Variants in UQCC1 observed in about 807,000 individuals in gnomAD.
The protein encoded by UQCC1 is bFGF-repressed Zic-binding protein.
A neutral mutation model predicts 48.0 loss-of-function variants in UQCC1; 38 were observed. The ratio of observed to expected loss-of-function variants is 0.79; its 90% CI spans 0.61 to 1.04. UQCC1 has a LOEUF of 1.04. Ranked by LOEUF, UQCC1 falls within the 50% of genes least tolerant of loss-of-function variation. The pLI, the probability that UQCC1 is intolerant of heterozygous loss-of-function variation, is 0.00. For synonymous variants in UQCC1, 111 were observed against 129.2 expected (o/e 0.86, Z 0.95); for missense variants, 368 against 381.8 (o/e 0.96, Z 0.30).
intron 6 of UQCC1, among the ~76,000 whole-genome samples, chr20:35,354,460 A>G (rs6088802): frequency 0.54 from 81,755 of 150,640 alleles, 23,142 homozygotes; most frequent in East Asian, 0.71. Flanking sequence ...GCACTGACGC[A>G]ATCTTGGCTC....
chr20:35,342,368 C>T (rs2061390624), intron 7 of UQCC1, among the ~76,000 whole-genome samples: 1 of 152,180 alleles, frequency 6.6e-6, no homozygotes, highest in South Asian at 2.1e-4. Flanking sequence ...TGAGCCACTG[C>T]CGTGAGCTAA....
At chr20:35,321,255 T>TGA (rs2061122260) in intron 7 of UQCC1, among the ~76,000 whole-genome samples, 1 of 55,564 alleles carries the variant, frequency 1.8e-5, no homozygotes, top group Admixed American at 1.4e-4. Context: ...AACAAAACTG[T>TGA]GTGTGTGTGT....
At chr20:35,399,890 A>C (rs2062136386) in intron 1 of UQCC1, among the ~76,000 whole-genome samples, 1 of 143,706 alleles carries the variant, frequency 7.0e-6, no homozygotes, top group Admixed American at 6.9e-5. Flanking sequence ...ATCTGTCTAG[A>C]TGTCAGCTTC....
intron 5 of UQCC1, among the ~76,000 whole-genome samples, chr20:35,370,492 G>A (rs895298433): frequency 1.2e-4 from 18 of 152,106 alleles, no homozygotes; most frequent in African/African-American, 4.3e-4. Flanking sequence ...ACTAGCCACA[G>A]TTTGGAAGCA....
intron 6 of UQCC1, among the ~76,000 whole-genome samples, chr20:35,365,998 G>A (rs1471948778): frequency 4.6e-5 from 7 of 152,102 alleles, no homozygotes; most frequent in Non-Finnish European, 1.5e-5. Flanking sequence ...CTTTAATACT[G>A]TGTAACATTA....
intron 7 of UQCC1, among the ~76,000 whole-genome samples, chr20:35,321,291 C>T (rs879417998): frequency 1.6e-3 from 229 of 146,256 alleles, no homozygotes; most frequent in South Asian, 2.3e-3. Context: ...TGTGCGCGCG[C>T]GCGCGCGCAC....
intron 6 of UQCC1, among the ~76,000 whole-genome samples, chr20:35,358,620 C>T (rs1190711200): frequency 6.6e-6 from 1 of 152,080 alleles, no homozygotes; most frequent in Non-Finnish European, 1.5e-5. Context: ...AGTGCAGTGG[C>T]ATGATATTGG....
intron 5 of UQCC1, 30 bp downstream of exon 5, chr20:35,374,151 TCTC>T: frequency 1.3e-6 from 2 of 1,527,908 alleles, no homozygotes; most frequent in Non-Finnish European, 1.8e-6. Flanking sequence ...GTAGATTTGT[TCTC>T]CTTTTCAGTA....
At chr20:35,387,040 G>A (rs1322788002) in intron 2 of UQCC1, among the ~76,000 whole-genome samples, 2 of 152,002 alleles carry the variant, frequency 1.3e-5, no homozygotes, top group Non-Finnish European at 2.9e-5. Context: ...ACTTTGGGAG[G>A]CCGAGGCGGG....
intron 9 of UQCC1, 140 bp from the exon 10 acceptor site, chr20:35,304,209 A>ACCAAGCCGTCCCAGG (rs1307279233): frequency 1.8e-6 from 2 of 1,131,286 alleles, no homozygotes; most frequent in Admixed American, 5.1e-5. Flanking sequence ...CAGGTCCCAG[A>ACCAAGCCGTCCCAGG]CCAAGCCGTC....
chr20:35,308,625 G>A (rs1334134092), intron 8 of UQCC1, among the ~76,000 whole-genome samples: 1 of 152,244 alleles, frequency 6.6e-6, no homozygotes, highest in Non-Finnish European at 1.5e-5. Flanking sequence ...CAACCCAACT[G>A]TTTCAGACTG....
At chr20:35,367,026 G>A (rs1276306792) in intron 5 of UQCC1, among the ~76,000 whole-genome samples, 4 of 150,500 alleles carry the variant, frequency 2.7e-5, no homozygotes, top group East Asian at 1.9e-4. Context: ...CCTGGGAGGC[G>A]GAGGTTGCAG....
intron 5 of UQCC1, 145 bp downstream of exon 5, chr20:35,374,039 A>G: frequency 1.6e-6 from 1 of 637,840 alleles, no homozygotes; most frequent in Non-Finnish European, 2.7e-6. Context: ...TTTTTTAAAG[A>G]GACAAATAGA....
intron 7 of UQCC1, among the ~76,000 whole-genome samples, chr20:35,342,647 GC>G (rs771787184): frequency 2.0e-5 from 3 of 152,190 alleles, no homozygotes. Flanking sequence ...TGCGGCAAGG[GC>G]CCAAGGAAAA....
rs191120106 is a variant in UQCC1 at position 35,369,000 on chromosome 20, T to C, written c.407-2386A>G. On this transcript the variant is annotated intron_variant, in intron 5 of 9. Transcript: ENST00000374385. ...TAGAACAAAACATTAAAAAGAAAAA[T>C]TTTCTTGGAAGTCTGTCTTTCAATC... Among the ~76,000 whole-genome samples the C allele has an allele frequency of 2.0e-4, 30 of 152,082 alleles. No homozygotes were observed. In the East Asian group the frequency reaches 5.6e-3, roughly 28 times the overall value.
chr20:35,377,758 C>T (rs1376173605), intron 4 of UQCC1, among the ~76,000 whole-genome samples: 2 of 152,192 alleles, frequency 1.3e-5, no homozygotes, highest in Non-Finnish European at 2.9e-5. Context: ...TGCCTGGAGA[C>T]TTGCCTTCAA....
chr20:35,325,014 A>G lies in UQCC1; in HGVS notation c.574-10249T>C, dbSNP rs531455369. Among the ~76,000 whole-genome samples, 93 of 152,376 alleles carry G rather than the reference A, an allele frequency of 6.1e-4. 1 individual carries two copies. Among genetic ancestry groups the G allele is most frequent in the Non-Finnish European group, 1.1e-3 (76 of 68,030 alleles). On this transcript the variant is annotated intron_variant, in intron 7 of 9. Coordinates refer to ENST00000374385, the MANE Select transcript of UQCC1 (RefSeq NM_018244.5). ...TATTATTCAGCCATAAAAAGGCATA[A>G]AATTTTGATATATGCTATAACATGG...
rs189603634 is a variant in UQCC1, at chr20:35,400,653, G to A, written c.25-6457C>T. On this transcript the variant is annotated intron_variant, in intron 1 of 9. Transcript: ENST00000374385. ...TGGGACTACAGGCGCCCGCCACCTC[G>A]CCTGGCTAATTTTTTGTATTTTTAG... 3.1e-3 allele frequency among the ~76,000 whole-genome samples: 478 copies of A among 151,912 alleles called. 2 individuals carry two copies. Among genetic ancestry groups the A allele is most frequent in the Non-Finnish European group, 4.4e-3 (302 of 67,960 alleles).
intron 7 of UQCC1, among the ~76,000 whole-genome samples, chr20:35,333,017 A>G (rs188607218): frequency 6.6e-6 from 1 of 152,304 alleles, no homozygotes; most frequent in Admixed American, 6.5e-5. Flanking sequence ...CAGTTAGTCC[A>G]TTAGTTCACT....
Sources: gnomAD v4.1 joint callset for allele counts (sites outside exome capture counted in the v4.1 genomes callset) on GRCh38, gnomAD v4.1.1 for gene constraint, MANE v1.5 for transcripts, NCBI Gene and HGNC (gene_info 2026-07-23, HGNC 2026-07-21) for gene names.